Variants in ERCC2 observed in about 807,000 individuals in gnomAD.
The protein encoded by ERCC2 is general transcription and DNA repair factor IIH helicase subunit XPD.
A neutral mutation model predicts 99.4 loss-of-function variants in ERCC2; 90 were observed. The observed-to-expected ratio is 0.91, with a 90% confidence interval of 0.76 to 1.08. The LOEUF (loss-of-function observed/expected upper bound fraction) is 1.08, where lower values mean the gene tolerates loss of function less well. Among genes scored for constraint, ERCC2 ranks in the 50% least tolerant of loss-of-function variants. ERCC2 has a pLI of 0.00. For missense variants in ERCC2, 993 were observed against 1,038.1 expected (o/e 0.96, Z 0.60); for synonymous variants, 497 against 432.4 (o/e 1.15, Z -1.85).
At chr19:45,354,627 G>A in intron 17 of ERCC2, 103 bp downstream of exon 17, 1 of 1,503,450 alleles carries the variant, frequency 6.7e-7, no homozygotes, top group Non-Finnish European at 9.2e-7. Context: ...CTGTCACACA[G>A]GAAACCTGTC....
In ERCC2 at chr19:45,351,605, C is replaced by A; in HGVS notation, c.*24G>T. ...GCAAGACTCAGGAGTCACCAGGAACCGTTTATGGCCCCACCCGCCCCACTC... is the reference window on the plus strand; with the variant it reads ...GCAAGACTCAGGAGTCACCAGGAACAGTTTATGGCCCCACCCGCCCCACTC... On this transcript the variant is annotated 3_prime_UTR_variant, in exon 23 of 23. Transcript: ENST00000391945. The A allele has an allele frequency of 1.2e-6, 2 of 1,613,104 alleles. No homozygotes were observed. Among genetic ancestry groups the A allele is most frequent in the Non-Finnish European group, 1.7e-6 (2 of 1,179,694 alleles).
intron 2 of ERCC2, among the ~76,000 whole-genome samples, chr19:45,369,537 G>A (rs760943165): frequency 3.9e-5 from 6 of 152,014 alleles, no homozygotes; most frequent in African/African-American, 7.2e-5. Flanking sequence ...ATGTGGTGGC[G>A]CGCACCTGTA....
intron 12 of ERCC2, among the ~76,000 whole-genome samples, chr19:45,359,959 G>C (rs1972154531): frequency 1.3e-5 from 2 of 151,940 alleles, no homozygotes; most frequent in African/African-American, 2.4e-5. Flanking sequence ...ATTTTTAGTA[G>C]AGACGGGGTT....
At chr19:45,357,996 A>G in intron 12 of ERCC2, 1 of 512,176 alleles carries the variant, frequency 2.0e-6, no homozygotes, top group Non-Finnish European at 3.6e-6. Flanking sequence ...GCTGCCCAGC[A>G]CCCACGCCAA....
chr19:45,351,218 G>C lies in ERCC2; in HGVS notation c.*411C>G. On this transcript the variant is annotated 3_prime_UTR_variant, in exon 23 of 23. Transcript: ENST00000391945. ...ATAGTTGGCTGCCAGGCTGGACCTG[G>C]AGCTGGAGGGTGGATGTAACACTTG... is the stretch of plus-strand genomic sequence containing the variant. 6.3e-7 allele frequency: 1 copy of C among 1,591,072 alleles called. No homozygotes were observed. Among genetic ancestry groups the C allele is most frequent in the Non-Finnish European group, 8.6e-7 (1 of 1,168,552 alleles).
At chr19:45,355,620 C>T (rs1474989153) in intron 16 of ERCC2, 45 bp downstream of exon 16, 3 of 1,527,688 alleles carry the variant, frequency 2.0e-6, no homozygotes, top group South Asian at 1.1e-5. Context: ...ACTGATACAC[C>T]TCCCCTCTTG....
At position 45,368,760 on chromosome 19, in the gene ERCC2, G is replaced by C; in HGVS notation, c.247-17C>G. On this transcript the variant is annotated splice_polypyrimidine_tract_variant and intron_variant, in intron 4 of 22. Coordinates refer to ENST00000391945, the MANE Select transcript of ERCC2 (RefSeq NM_000400.4). Reference sequence around the variant, plus strand: ...TTCAATCACCTACTCCAAAGTTGGGGGGCAGGGGGAGCTTGTGCTCATTGG... The same window carrying C: ...TTCAATCACCTACTCCAAAGTTGGGCGGCAGGGGGAGCTTGTGCTCATTGG... The C allele has an allele frequency of 1.3e-6, 2 of 1,598,724 alleles. No homozygotes were observed. Among genetic ancestry groups the C allele is most frequent in the South Asian group, 1.1e-5 (1 of 90,278 alleles).
rs200309890 is a variant in ERCC2 at position 45,353,171 on chromosome 19, C to A, written c.1759-16G>T. 51 of 1,613,700 alleles carry A rather than the reference C, an allele frequency of 3.2e-5. No individual in the cohort carries two copies. Among genetic ancestry groups the A allele is most frequent in the Non-Finnish European group, 4.2e-5 (50 of 1,179,924 alleles). On this transcript the variant is annotated splice_polypyrimidine_tract_variant and intron_variant, in intron 18 of 22. Transcript: ENST00000391945. Reference sequence around the variant, plus strand: ...TCTCGCAGGCCTGAGGTGGGGAGACCGAGACGCAAGTTAGGTCACTCCTCA... The same window carrying A: ...TCTCGCAGGCCTGAGGTGGGGAGACAGAGACGCAAGTTAGGTCACTCCTCA...
chr19:45,350,528 GGCACAGCTGGTGAC>G lies in ERCC2; in HGVS notation c.*1087_*1100del, dbSNP rs1971688067. On this transcript the variant is annotated 3_prime_UTR_variant, in exon 23 of 23. Transcript: ENST00000391945. ...TTTCCCCCTAGGTGCCCCCAACACA[GGCACAGCTGGTGAC>G]GCAGAACAGGTGAGGATGGGCTGTG... The G allele has an allele frequency of 3.1e-6, 5 of 1,613,762 alleles. No individual in the cohort carries two copies. Among genetic ancestry groups the G allele is most frequent in the Non-Finnish European group, 4.2e-6 (5 of 1,179,978 alleles).
At chr19:45,362,230 G>A (rs954147209) in intron 11 of ERCC2, among the ~76,000 whole-genome samples, 11 of 152,096 alleles carry the variant, frequency 7.2e-5, no homozygotes, top group Non-Finnish European at 1.0e-4. Flanking sequence ...GGCCCTAAGT[G>A]GGTTCTGATC....
chr19:45,360,851 G>A (rs2123271210), intron 12 of ERCC2, among the ~76,000 whole-genome samples: 1 of 152,164 alleles, frequency 6.6e-6, no homozygotes, highest in African/African-American at 2.4e-5. Flanking sequence ...CACAACTCTG[G>A]GCCGGGCATG....
At chr19:45,354,669 A>G (rs1488197023) in intron 17 of ERCC2, 61 bp downstream of exon 17, 1 of 1,605,656 alleles carries the variant, frequency 6.2e-7, no homozygotes, top group Non-Finnish European at 8.5e-7. Flanking sequence ...TGAAGCTGAC[A>G]TAGCGGTGCA....
rs775235491 is a variant in ERCC2 at position 45,365,138 on chromosome 19, C to T, written c.381G>A (p.Gly127=). The T allele has an allele frequency of 1.0e-4, 166 of 1,614,068 alleles. No homozygotes were observed. Among genetic ancestry groups the T allele is most frequent in the Non-Finnish European group, 1.3e-4 (152 of 1,180,018 alleles). ...IHPEVTPLRF[G]KDVDGKCHSL... ...TGTGGCATTTCCCATCGACGTCCTTCCCAAAGCGCAGGGGTGTCACCTGGG... is the reference window on the plus strand; with the variant it reads ...TGTGGCATTTCCCATCGACGTCCTTTCCAAAGCGCAGGGGTGTCACCTGGG... Residue 127 remains glycine (G), a synonymous_variant, in exon 6 of 23, where the codon GGG becomes GGA. Coordinates refer to ENST00000391945, the MANE Select transcript of ERCC2 (RefSeq NM_000400.4).
At chr19:45,361,719 G>T (rs757942820) in intron 11 of ERCC2, 77 bp from the exon 12 acceptor site, 1 of 1,079,278 alleles carries the variant, frequency 9.3e-7, no homozygotes, top group Non-Finnish European at 1.4e-6. Context: ...CCGCCATCAC[G>T]ACGGTCACGT....
chr19:45,370,240 C>T lies in ERCC2; in HGVS notation c.6-8G>A. On this transcript the variant is annotated splice_polypyrimidine_tract_variant and splice_region_variant and intron_variant, in intron 1 of 22. Transcript: ENST00000391945. ...AGCCCGTCCACGTTGAGCCTGGCGG[C>T]AGGGGCTGCTGGGTCAGTTCCCGTC... The T allele has an allele frequency of 6.2e-7, 1 of 1,613,068 alleles. No homozygotes were observed. The highest frequency in any genetic ancestry group is 8.5e-7 in the Non-Finnish European group (1 of 1,179,374).
intron 16 of ERCC2, 115 bp from the exon 17 acceptor site, chr19:45,354,966 A>G (rs879279372): frequency 7.4e-7 from 1 of 1,345,482 alleles, no homozygotes; most frequent in Non-Finnish European, 1.1e-6. Flanking sequence ...CTTTTCACAC[A>G]TATCCCCCTC....
intron 19 of ERCC2, 112 bp downstream of exon 19, chr19:45,352,971 G>C: frequency 7.8e-7 from 1 of 1,283,666 alleles, no homozygotes. Context: ...GGGCCCCTCT[G>C]TGCACCTAGG....
intron 15 of ERCC2, 88 bp downstream of exon 15, chr19:45,357,182 G>A: frequency 1.1e-6 from 1 of 925,470 alleles, no homozygotes; most frequent in Non-Finnish European, 1.7e-6. Context: ...AAGCTCTCCT[G>A]CCTGAGCAGT....
intron 9 of ERCC2, 37 bp downstream of exon 9, chr19:45,364,198 C>A (rs1264126734): frequency 1.2e-6 from 2 of 1,611,234 alleles, no homozygotes; most frequent in Non-Finnish European, 1.7e-6. Context: ...GTCCCAGGGG[C>A]AGGGCGGGCA....
Sources: allele counts gnomAD v4.1 joint callset (sites outside exome capture counted in the v4.1 genomes callset), GRCh38; gene constraint gnomAD v4.1.1; transcripts MANE v1.5; gene names NCBI Gene and HGNC (gene_info 2026-07-23, HGNC 2026-07-21).